Variants in EIF1AD observed in about 807,000 individuals in gnomAD.
EIF1AD encodes the protein probable RNA-binding protein EIF1AD.
A neutral mutation model predicts 21.7 loss-of-function variants in EIF1AD; 9 were observed. The ratio of observed to expected loss-of-function variants is 0.41; its 90% CI spans 0.25 to 0.72. EIF1AD has a LOEUF of 0.72. Among genes scored for constraint, EIF1AD ranks in the 30% least tolerant of loss-of-function variants. The pLI, the probability that EIF1AD is intolerant of heterozygous loss-of-function variation, is 0.29. For synonymous variants in EIF1AD, 78 were observed against 70.9 expected (o/e 1.10, Z -0.50); for missense variants, 164 against 199.7 (o/e 0.82, Z 1.08).
chr11:65,999,795 T>C, intron 3 of EIF1AD, 120 bp from the exon 4 acceptor site: 1 of 733,284 alleles, frequency 1.4e-6, no homozygotes, highest in Non-Finnish European at 2.2e-6. Flanking sequence ...CTTTTTTCTT[T>C]TTTTTGAGAC....
chr11:65,999,674 C>A lies in EIF1AD; in HGVS notation c.198G>T (p.Gly66=). The A allele has an allele frequency of 6.2e-7, 1 of 1,611,806 alleles. No homozygotes were observed. Among genetic ancestry groups the A allele is most frequent in the Non-Finnish European group, 8.5e-7 (1 of 1,178,024 alleles). The change falls in exon 4 of 6, where the codon GGG becomes GGT. Residue 66 remains glycine (G), a splice_region_variant and synonymous_variant. Coordinates refer to ENST00000533544, the MANE Select transcript of EIF1AD (RefSeq NM_001242481.2). ...KYRKNIWIKR[G]DFLIVDPIEE... ...CAATGGGGTCAACAATGAGAAAGTC[C>A]CCTGTAGATAAGAAGAGAAAAGGCA...
Position 65,998,525 on chromosome 11 carries a change from C to T in EIF1AD, c.*74G>A. 5 of 1,560,462 alleles carry T rather than the reference C, an allele frequency of 3.2e-6. No homozygotes were observed. The highest frequency in any genetic ancestry group is 3.5e-6 in the Non-Finnish European group (4 of 1,149,582). On this transcript the variant is annotated 3_prime_UTR_variant, in exon 6 of 6. Transcript: ENST00000533544. The stretch of plus-strand genomic sequence containing the variant: ...CATGCAGGGGTGAAGATGTGCAGAG[C>T]ACCCTGGGAATGTCCAAGCCCAGAA...
intron 1 of EIF1AD, 139 bp from the exon 2 acceptor site, chr11:66,000,644 T>TA (rs1855910965): frequency 2.0e-6 from 1 of 488,972 alleles, no homozygotes; most frequent in Non-Finnish European, 3.8e-6. Context: ...TCAGCACTGT[T>TA]ACAGTATGGT....
In EIF1AD at chr11:66,000,068, T is replaced by C. The variant is rs773092313; in HGVS notation, c.181A>G (p.Ile61Val). ...VSMPSKYRKNIWIKRGDFLIV... is the reference protein window; with the variant it reads ...VSMPSKYRKNVWIKRGDFLIV... ...ATCCTCTCACCTCTCTTGATCCAGA[T>C]GTTCTTGCGGTATTTGGAGGGCATG... The change falls in exon 3 of 6, where the codon ATC (isoleucine) becomes GTC (valine). Residue 61 changes from isoleucine to valine, a missense_variant. Coordinates refer to ENST00000533544, the MANE Select transcript of EIF1AD (RefSeq NM_001242481.2). The C allele has an allele frequency of 1.9e-6, 3 of 1,613,588 alleles. No homozygotes were observed. The South Asian group carries it at 3.3e-5, about 18-fold the overall frequency.
rs1451853294 is a variant in EIF1AD, at chr11:65,997,486, TTGTGG to T, written c.*1108_*1112del. 3 of 152,212 alleles carry T rather than the reference TTGTGG, an allele frequency of 2.0e-5. No individual in the cohort carries two copies. The highest frequency in any genetic ancestry group is 4.4e-5 in the Non-Finnish European group (3 of 68,056). The allele number at this position is 152,212 out of a possible 1,614,324, so 9.4% of individuals were successfully genotyped here. On this transcript the variant is annotated 3_prime_UTR_variant, in exon 6 of 6. Transcript: ENST00000533544. Reference sequence around the variant, plus strand: ...TTGCTGTTTCTTAATGAGGCATGTGTTGTGGTAACTACCACAAGGGGGAATTGATA... The same window carrying T: ...TTGCTGTTTCTTAATGAGGCATGTGTTAACTACCACAAGGGGGAATTGATA...
In EIF1AD at chr11:66,000,522, T is replaced by C; in HGVS notation, c.-116-17A>G. On this transcript the variant is annotated splice_polypyrimidine_tract_variant and intron_variant, in intron 1 of 5. Coordinates refer to ENST00000533544, the MANE Select transcript of EIF1AD (RefSeq NM_001242481.2). ...GGCCTTTTACTGAGGGGTGACACGGTGTCTTGGTTAAGAACATGGGTTCTG... is the reference window on the plus strand; with the variant it reads ...GGCCTTTTACTGAGGGGTGACACGGCGTCTTGGTTAAGAACATGGGTTCTG... The C allele has an allele frequency of 1.2e-6, 1 of 806,976 alleles. No individual in the cohort carries two copies. Among genetic ancestry groups the C allele is most frequent in the Non-Finnish European group, 2.0e-6 (1 of 499,946 alleles). 50.0% of individuals were successfully genotyped at this position (806,976 alleles called of 1,614,324 possible).
rs1443720062 is a variant in EIF1AD at position 65,999,245 on chromosome 11, C to A, written c.353+105G>T. 1.2e-5 allele frequency: 18 copies of A among 1,472,670 alleles called. No homozygotes were observed. In the East Asian group the frequency reaches 1.8e-4, roughly 15 times the overall value. The allele number at this position is 1,472,670 out of a possible 1,614,324, so 91.2% of individuals were successfully genotyped here. On this transcript the variant is annotated intron_variant, in intron 5 of 5. Coordinates refer to ENST00000533544, the MANE Select transcript of EIF1AD (RefSeq NM_001242481.2). ...ATACCACATGCTTAGGAGCTCTCAACAGATACCCTATGTAAGGAGGAAAGA... is the reference window on the plus strand; with the variant it reads ...ATACCACATGCTTAGGAGCTCTCAAAAGATACCCTATGTAAGGAGGAAAGA...
chr11:65,999,557 G>A lies in EIF1AD; in HGVS notation c.305+10C>T, dbSNP rs897094654. On this transcript the variant is annotated intron_variant, in intron 4 of 5. Transcript: ENST00000533544. Reference sequence around the variant, plus strand: ...AAGCCAGACAGCCAATGATCAAGGGGACCACCTACCAAAACCCCTCCTTCT... The same window carrying A: ...AAGCCAGACAGCCAATGATCAAGGGAACCACCTACCAAAACCCCTCCTTCT... 4 of 1,608,750 alleles carry A rather than the reference G, an allele frequency of 2.5e-6. No homozygotes were observed. The highest frequency in any genetic ancestry group is 2.2e-5 in the East Asian group (1 of 44,870).
intron 1 of EIF1AD, chr11:66,000,868 T>G (rs1353811425): frequency 1.2e-5 from 2 of 163,742 alleles, no homozygotes; most frequent in Non-Finnish European, 2.7e-5. Flanking sequence ...TGGTGTTATC[T>G]GTAAATTCTA....
In EIF1AD at chr11:65,998,484, A is replaced by G; in HGVS notation, c.*115T>C. On this transcript the variant is annotated 3_prime_UTR_variant, in exon 6 of 6. Transcript: ENST00000533544. ...GAATCAAAAGATCAGTTCAGAGAGG[A>G]GCCCTGCTTTGTCCTCATGCAGGGG... 5.2e-6 allele frequency: 7 copies of G among 1,333,680 alleles called. 1 individual carries two copies. The South Asian group carries it at 1.0e-4, about 19-fold the overall frequency. 82.6% of individuals were successfully genotyped at this position (1,333,680 alleles called of 1,614,324 possible). A position where few individuals can be genotyped will look rare whatever the true frequency, so the allele number is the denominator to read the frequency against.
intron 1 of EIF1AD, 109 bp from the exon 2 acceptor site, chr11:66,000,614 C>T: frequency 1.8e-6 from 1 of 554,026 alleles, no homozygotes; most frequent in Non-Finnish European, 3.3e-6. Context: ...TCTCTAGGTC[C>T]CAGAAAAATA....
In EIF1AD at chr11:66,001,344, C is replaced by A. The variant is rs563945456; in HGVS notation, c.-117+566G>T. Among the ~76,000 whole-genome samples the A allele has an allele frequency of 1.8e-4, 28 of 151,856 alleles. No individual in the cohort carries two copies. The South Asian group carries it at 5.8e-3, about 32-fold the overall frequency. ...AAAATTAGCCGGGCGTGATGACGAG[C>A]GCCTGTAGTCCCAGCTACCCGGGAG... On this transcript the variant is annotated intron_variant, in intron 1 of 5. Transcript: ENST00000533544.
At chr11:66,000,807 G>A (rs1036893944) in intron 1 of EIF1AD, 2 of 167,872 alleles carry the variant, frequency 1.2e-5, no homozygotes, top group African/African-American at 4.8e-5. Context: ...CCACCACCTG[G>A]CCCTGGTGGC....
At chr11:65,999,303 T>A in intron 5 of EIF1AD, 47 bp downstream of exon 5, 1 of 1,613,786 alleles carries the variant, frequency 6.2e-7, no homozygotes. Context: ...CACCAAAGCA[T>A]GAACCCCTTA....
Position 65,997,319 on chromosome 11 carries a change from A to G in EIF1AD, c.*1280T>C, listed in dbSNP as rs1471144305. On this transcript the variant is annotated 3_prime_UTR_variant, in exon 6 of 6. Coordinates refer to ENST00000533544, the MANE Select transcript of EIF1AD (RefSeq NM_001242481.2). ...TCCAGCCTGAGCAACACAGGGAGAC[A>G]CTCTCTCAAAAAAAAAAAAAAAAAA... 1 of 121,292 alleles carries G rather than the reference A, an allele frequency of 8.2e-6. No homozygotes were observed. The highest frequency in any genetic ancestry group is 1.7e-5 in the Non-Finnish European group (1 of 59,060). The allele number at this position is 121,292 out of a possible 1,614,324, so 7.5% of individuals were successfully genotyped here. A position where few individuals can be genotyped will look rare whatever the true frequency, so the allele number is the denominator to read the frequency against.
At chr11:66,001,313 A>C (rs114064754) in intron 1 of EIF1AD, among the ~76,000 whole-genome samples, 1 of 151,964 alleles carries the variant, frequency 6.6e-6, no homozygotes, top group Non-Finnish European at 1.5e-5. Flanking sequence ...CTCTACAAAA[A>C]TACAAAAAAT....
At position 65,998,490 on chromosome 11, in the gene EIF1AD, G is replaced by A. The variant is rs2134950660; in HGVS notation, c.*109C>T. 1 of 1,399,894 alleles carries A rather than the reference G, an allele frequency of 7.1e-7. No homozygotes were observed. The highest frequency in any genetic ancestry group is 9.7e-7 in the Non-Finnish European group (1 of 1,029,168). The allele number at this position is 1,399,894 out of a possible 1,614,324, so 86.7% of individuals were successfully genotyped here. On this transcript the variant is annotated 3_prime_UTR_variant, in exon 6 of 6. Coordinates refer to ENST00000533544, the MANE Select transcript of EIF1AD (RefSeq NM_001242481.2). ...AAAGATCAGTTCAGAGAGGAGCCCT[G>A]CTTTGTCCTCATGCAGGGGTGAAGA... is the stretch of plus-strand genomic sequence containing the variant.
In EIF1AD at chr11:65,998,614, C is replaced by T; in HGVS notation, c.483G>A (p.Glu161=). 1 of 1,613,920 alleles carries T rather than the reference C, an allele frequency of 6.2e-7. No homozygotes were observed. The highest frequency in any genetic ancestry group is 8.5e-7 in the Non-Finnish European group (1 of 1,179,980). The change falls in exon 6 of 6, where the codon GAG becomes GAA. Residue 161 remains glutamate (E), a synonymous_variant. Transcript: ENST00000533544. ...TCCTGGAGTCTCAGGCTGCCTCCTCCTCTTCACTCTCCTCCTCACTCTCAT... is the reference window on the plus strand; with the variant it reads ...TCCTGGAGTCTCAGGCTGCCTCCTCTTCTTCACTCTCCTCCTCACTCTCAT... ...QYHESEEESE[E]EEAA
chr11:65,999,443 T>C, intron 4 of EIF1AD, 46 bp from the exon 5 acceptor site: 1 of 1,614,002 alleles, frequency 6.2e-7, no homozygotes, highest in Non-Finnish European at 8.5e-7. Context: ...AATAAATTTC[T>C]CACAAAAGAG....
Sources: gnomAD v4.1 joint callset for allele counts (sites outside exome capture counted in the v4.1 genomes callset) on GRCh38, gnomAD v4.1.1 for gene constraint, MANE v1.5 for transcripts, NCBI Gene and HGNC (gene_info 2026-07-23, HGNC 2026-07-21) for gene names.